Variants in EPS8 observed in about 807,000 individuals in gnomAD.
EPS8 encodes the protein epidermal growth factor receptor kinase substrate 8.
In EPS8, 42 loss-of-function variants were observed where a neutral mutation model predicts 103.8. The observed-to-expected ratio is 0.40, with a 90% CI of 0.32 to 0.52. The LOEUF is 0.52. Among genes scored for constraint, EPS8 ranks in the 20% least tolerant of loss-of-function variants. The pLI is 0.40. For synonymous variants in EPS8, 344 were observed against 344.6 expected, an observed-to-expected ratio of 1.00 and a Z score of 0.02; for missense variants, 969 against 1,005.1, an observed-to-expected ratio of 0.96 and a Z score of 0.49.
At position 15,682,983 on chromosome 12, in the gene EPS8, A is replaced by G. The variant is rs1946035769; in HGVS notation, c.-21-11T>C. ...TTTCACTTGTGTGTTCTAAAAAAAG[A>G]AAGACACATAGATTAAAGGCAATAA... On this transcript the variant is annotated splice_polypyrimidine_tract_variant and intron_variant, in intron 1 of 20. Coordinates refer to ENST00000281172, the MANE Select transcript of EPS8 (RefSeq NM_004447.6). 3 of 1,459,898 alleles carry G rather than the reference A, an allele frequency of 2.1e-6. 1 individual carries two copies. The South Asian group carries it at 3.7e-5, about 18-fold the overall frequency. 90.4% of individuals were successfully genotyped at this position (1,459,898 alleles called of 1,614,324 possible).
At position 15,690,914 on chromosome 12, in the gene EPS8, G is replaced by A. The variant is rs1378347454; in HGVS notation, c.-21-7942C>T. ...TCCTAATAGGCTGCTAGAAAGTGATGCAATAAAGAAGAGTCAAGACCAAAC... is the reference window on the plus strand; with the variant it reads ...TCCTAATAGGCTGCTAGAAAGTGATACAATAAAGAAGAGTCAAGACCAAAC... On this transcript the variant is annotated intron_variant, in intron 1 of 20. Coordinates refer to ENST00000281172, the MANE Select transcript of EPS8 (RefSeq NM_004447.6). This position sits in a 1 kb window ranked among gnomAD's most constrained non-coding sequence, Gnocchi z 4.7. Among the ~76,000 whole-genome samples the A allele has an allele frequency of 1.3e-5, 2 of 151,948 alleles. No individual in the cohort carries two copies. Among genetic ancestry groups the A allele is most frequent in the Non-Finnish European group, 2.9e-5 (2 of 67,992 alleles).
rs968514591 is a variant in EPS8, at chr12:15,669,375, C to G, written c.516+12G>C. On this transcript the variant is annotated intron_variant, in intron 6 of 20. Coordinates refer to ENST00000281172, the MANE Select transcript of EPS8 (RefSeq NM_004447.6). ...GCTTAAAGAAGAAACAAAAATTTCA[C>G]CATTCTTTTACCTTAACCTCATCAC... is the stretch of plus-strand genomic sequence containing the variant. The G allele has an allele frequency of 3.1e-6, 5 of 1,588,228 alleles. No individual in the cohort carries two copies. In the African/African-American group the frequency reaches 5.4e-5, roughly 17 times the overall value.
At position 15,757,748 on chromosome 12, in the gene EPS8, A is replaced by G. The variant is rs1169952539; in HGVS notation, c.-22+31413T>C. Among the ~76,000 whole-genome samples, 2 of 152,240 alleles carry G rather than the reference A, an allele frequency of 1.3e-5. No individual in the cohort carries two copies. Among genetic ancestry groups the G allele is most frequent in the African/African-American group, 2.4e-5 (1 of 41,464 alleles). Reference sequence around the variant, plus strand: ...GCCCCCTAATGTGATGCAACAGGAAATGCAGACCATCATTTATGCAGTACT... The same window carrying G: ...GCCCCCTAATGTGATGCAACAGGAAGTGCAGACCATCATTTATGCAGTACT... On this transcript the variant is annotated intron_variant, in intron 1 of 20. Coordinates refer to ENST00000281172, the MANE Select transcript of EPS8 (RefSeq NM_004447.6). This position sits in a 1 kb window ranked among gnomAD's most constrained non-coding sequence, Gnocchi z 4.1.
intron 1 of EPS8, among the ~76,000 whole-genome samples, chr12:15,712,620 C>T (rs1437820594): frequency 1.3e-5 from 2 of 152,174 alleles, no homozygotes; most frequent in African/African-American, 4.8e-5. Flanking sequence ...ATCTCCACCT[C>T]TGTAAGCCAG....
chr12:15,663,832 G>C (rs1945649317), intron 8 of EPS8, among the ~76,000 whole-genome samples: 1 of 147,952 alleles, frequency 6.8e-6, no homozygotes, highest in Non-Finnish European at 1.5e-5. Context: ...TGAGGCAGGA[G>C]AATCGCTTGA....
intron 1 of EPS8, among the ~76,000 whole-genome samples, chr12:15,756,582 C>T (rs1028612920): frequency 2.6e-5 from 4 of 152,068 alleles, no homozygotes; most frequent in Non-Finnish European, 5.9e-5. Flanking sequence ...ATAGAATTTA[C>T]CCAATCAACA....
At chr12:15,710,681 C>G (rs754841614) in intron 1 of EPS8, among the ~76,000 whole-genome samples, 2 of 152,036 alleles carry the variant, frequency 1.3e-5, no homozygotes, top group African/African-American at 2.4e-5. Flanking sequence ...TTTTTAAGTG[C>G]TTACATGTCA....
intron 1 of EPS8, among the ~76,000 whole-genome samples, chr12:15,710,813 T>C (rs1317964026): frequency 6.6e-6 from 1 of 152,134 alleles, no homozygotes; most frequent in African/African-American, 2.4e-5. Flanking sequence ...CATGATAACC[T>C]ACCTTATTAT....
At chr12:15,638,498 G>A (rs960912365) in intron 17 of EPS8, among the ~76,000 whole-genome samples, 10 of 152,058 alleles carry the variant, frequency 6.6e-5, no homozygotes, top group African/African-American at 2.2e-4. Context: ...AACAGCATAC[G>A]CTTCTGCATA....
At chr12:15,649,110 C>G (rs962386517) in intron 14 of EPS8, among the ~76,000 whole-genome samples, 2 of 152,152 alleles carry the variant, frequency 1.3e-5, no homozygotes, top group Non-Finnish European at 2.9e-5. Context: ...TGAATAACTA[C>G]TTCAGCCATA....
rs145905103 is a variant in EPS8, at chr12:15,629,833, T to C, written c.2044+1609A>G. 6.2e-3 allele frequency among the ~76,000 whole-genome samples: 944 copies of C among 152,314 alleles called. 6 individuals carry two copies. Among genetic ancestry groups the C allele is most frequent in the Non-Finnish European group, 5.6e-3 (384 of 68,016 alleles). On this transcript the variant is annotated intron_variant, in intron 18 of 20. Coordinates refer to ENST00000281172, the MANE Select transcript of EPS8 (RefSeq NM_004447.6). Reference sequence around the variant, plus strand: ...TTAGTGTCTTTTTTATTTTTTATTTTATCAAGAATGTCCACAACTGAACAG... The same window carrying C: ...TTAGTGTCTTTTTTATTTTTTATTTCATCAAGAATGTCCACAACTGAACAG...
At chr12:15,681,659 G>A (rs1471814214) in intron 2 of EPS8, among the ~76,000 whole-genome samples, 1 of 149,926 alleles carries the variant, frequency 6.7e-6, no homozygotes, top group Non-Finnish European at 1.5e-5. Context: ...GAACCCGGGA[G>A]GTGGAGGTTG....
chr12:15,635,923 T>C (rs1241776039), intron 17 of EPS8, among the ~76,000 whole-genome samples: 1 of 152,102 alleles, frequency 6.6e-6, no homozygotes, highest in Non-Finnish European at 1.5e-5. Context: ...ATTACTTGCA[T>C]CTTGGTAGAG....
rs773261982 is a variant in EPS8 at position 15,658,163 on chromosome 12, G to A, written c.1027-10C>T. ...GAGACTTCAGTTTGGCCTGCAACATGAAGAAAACAGAAAACAGATTACTAT... is the reference window on the plus strand; with the variant it reads ...GAGACTTCAGTTTGGCCTGCAACATAAAGAAAACAGAAAACAGATTACTAT... On this transcript the variant is annotated splice_polypyrimidine_tract_variant and intron_variant, in intron 11 of 20. Transcript: ENST00000281172. 7.2e-5 allele frequency: 115 copies of A among 1,590,538 alleles called. No homozygotes were observed. Among genetic ancestry groups the A allele is most frequent in the Non-Finnish European group, 9.3e-5 (108 of 1,160,322 alleles).
chr12:15,666,407 A>G (rs771772063), intron 7 of EPS8, 33 bp downstream of exon 7: 14 of 1,527,076 alleles, frequency 9.2e-6, no homozygotes, highest in Admixed American at 3.4e-5. Context: ...AAACAAATCA[A>G]TTCCACTCCT....
rs1160618327 is a variant in EPS8 at position 15,727,783 on chromosome 12, G to A, written c.-21-44811C>T. On this transcript the variant is annotated intron_variant, in intron 1 of 20. Coordinates refer to ENST00000281172, the MANE Select transcript of EPS8 (RefSeq NM_004447.6). This position sits in a 1 kb window ranked among gnomAD's most constrained non-coding sequence, Gnocchi z 4.3. ...TGAGGCAGGAGAATCACTCGAACCT[G>A]GGAGGTGGAGGTTGCAGTGAGCCAA... 6.6e-6 allele frequency among the ~76,000 whole-genome samples: 1 copy of A among 152,134 alleles called. No individual in the cohort carries two copies. The highest frequency in any genetic ancestry group is 1.5e-5 in the Non-Finnish European group (1 of 68,024).
chr12:15,739,184 A>T (rs1171414963), intron 1 of EPS8, among the ~76,000 whole-genome samples: 1 of 152,236 alleles, frequency 6.6e-6, no homozygotes, highest in Non-Finnish European at 1.5e-5. Context: ...GAAGATGCTG[A>T]GGCCTTAAAG....
At chr12:15,650,794 A>T (rs1945399006) in intron 14 of EPS8, 29 bp downstream of exon 14, 2 of 1,559,390 alleles carry the variant, frequency 1.3e-6, no homozygotes, top group African/African-American at 1.4e-5. Flanking sequence ...TACACTGTCT[A>T]CAGAGGGCAA....
chr12:15,635,041 A>G (rs1363306964), intron 17 of EPS8, among the ~76,000 whole-genome samples: 2 of 152,186 alleles, frequency 1.3e-5, no homozygotes, highest in African/African-American at 4.8e-5. Flanking sequence ...GTAAAATACT[A>G]AGATATAGGT....
Sources: gnomAD v4.1 joint callset for allele counts (sites outside exome capture counted in the v4.1 genomes callset) on GRCh38, gnomAD v4.1.1 for gene constraint, Gnocchi (gnomAD v3.1) non-coding constraint, MANE v1.5 for transcripts, NCBI Gene and HGNC (gene_info 2026-07-23, HGNC 2026-07-21) for gene names.